The following EPB41L3 variants were observed in gnomAD, a reference collection of about 807,000 sequenced individuals.
EPB41L3 encodes the protein band 4.1-like protein 3.
In EPB41L3, 57 loss-of-function variants were observed where a neutral mutation model predicts 127.1. The ratio of observed to expected loss-of-function variants is 0.45; its 90% confidence interval spans 0.36 to 0.56. The LOEUF (loss-of-function observed/expected upper bound fraction) is 0.56. Ranked by LOEUF, EPB41L3 falls within the 20% of genes least tolerant of loss-of-function variation. The pLI is 0.00. For missense variants in EPB41L3, 1,273 were observed against 1,372.2 expected, an observed-to-expected ratio of 0.93 and a Z score of 1.14; for synonymous variants, 572 against 549.5, an observed-to-expected ratio of 1.04 and a Z score of -0.57.
intron 4 of EPB41L3, among the ~76,000 whole-genome samples, chr18:5,444,327 A>T (rs557051710): frequency 6.6e-6 from 1 of 152,304 alleles, no homozygotes; most frequent in East Asian, 1.9e-4. Context: ...ACAAATCAAT[A>T]GTTGCCTGTG....
chr18:5,512,847 G>A lies in EPB41L3; in HGVS notation c.-11-23653C>T, dbSNP rs954606356. On this transcript the variant is annotated intron_variant, in intron 1 of 22. Transcript: ENST00000341928. ...ATTTCAAGTGGCTGGCTCTGCAAAC[G>A]TAGACTTAGGATAAATCCTCTAGTT... Among the ~76,000 whole-genome samples the A allele has an allele frequency of 4.6e-5, 7 of 152,228 alleles. No homozygotes were observed. In the South Asian group the frequency reaches 6.2e-4, roughly 14 times the overall value.
chr18:5,393,962 T>G (rs901088544), intron 22 of EPB41L3: 1 of 160,474 alleles, frequency 6.2e-6, no homozygotes, highest in Admixed American at 6.3e-5. Context: ...AAGTCTGTGC[T>G]CACATAGATG....
At chr18:5,418,053 AAGG>A (rs1450426269) in intron 12 of EPB41L3, among the ~76,000 whole-genome samples, 1 of 152,176 alleles carries the variant, frequency 6.6e-6, no homozygotes, top group Non-Finnish European at 1.5e-5. Context: ...CTTTTTGAAG[AAGG>A]AGAAGGATAA....
intron 15 of EPB41L3, 188 bp from the exon 16 acceptor site, chr18:5,407,156 G>GA (rs552607231): frequency 6.4e-4 from 359 of 558,386 alleles, no homozygotes; most frequent in South Asian, 9.7e-4. Context: ...AAAGGAAACA[G>GA]AAAAAAAAAT....
chr18:5,520,979 A>C (rs1360791960), intron 1 of EPB41L3, among the ~76,000 whole-genome samples: 1 of 152,218 alleles, frequency 6.6e-6, no homozygotes, highest in Non-Finnish European at 1.5e-5. Flanking sequence ...CATAACCCAC[A>C]CACCACTCCT....
intron 3 of EPB41L3, chr18:5,466,197 A>G (rs535273926): frequency 2.0e-5 from 3 of 152,318 alleles, no homozygotes; most frequent in Admixed American, 2.0e-4. Context: ...GTAAAACCAC[A>G]AAAGGTATTT....
At chr18:5,584,918 T>C (rs1174273775) in intron 3 of EPB41L3, among the ~76,000 whole-genome samples, 2 of 152,198 alleles carry the variant, frequency 1.3e-5, no homozygotes, top group Non-Finnish European at 2.9e-5. Context: ...CATGAGACGA[T>C]GACTCAGAAA....
At chr18:5,534,684 T>A (rs763877075) in intron 1 of EPB41L3, among the ~76,000 whole-genome samples, 5 of 152,072 alleles carry the variant, frequency 3.3e-5, no homozygotes, top group African/African-American at 4.8e-5. Context: ...GATCTTACAA[T>A]TACTAAGACA....
At position 5,502,457 on chromosome 18, in the gene EPB41L3, A is replaced by G. The variant is rs1389725970; in HGVS notation, c.-11-13263T>C. On this transcript the variant is annotated intron_variant, in intron 1 of 22. Transcript: ENST00000341928. Reference sequence around the variant, plus strand: ...TTTTTTAACTACTGTAGTTTTCACAATGAAATTAGTTTTAAATCCTTTAGC... The same window carrying G: ...TTTTTTAACTACTGTAGTTTTCACAGTGAAATTAGTTTTAAATCCTTTAGC... Among the ~76,000 whole-genome samples the G allele has an allele frequency of 4.6e-5, 7 of 152,182 alleles. No individual in the cohort carries two copies. In the East Asian group the frequency reaches 9.6e-4, roughly 21 times the overall value.
At chr18:5,585,675 T>A (rs2094435735) in intron 3 of EPB41L3, among the ~76,000 whole-genome samples, 1 of 152,190 alleles carries the variant, frequency 6.6e-6, no homozygotes, top group Admixed American at 6.5e-5. Context: ...CCCAGATCTA[T>A]CTCCTACCTT....
At chr18:5,566,752 CTATTCT>C (rs2094207428) in intron 3 of EPB41L3, among the ~76,000 whole-genome samples, 1 of 137,886 alleles carries the variant, frequency 7.3e-6, no homozygotes, top group East Asian at 2.3e-4. Context: ...CTATTCTATT[CTATTCT>C]ATTCTATTCT....
intron 3 of EPB41L3, among the ~76,000 whole-genome samples, chr18:5,581,333 A>T (rs2094391359): frequency 6.6e-6 from 1 of 152,154 alleles, no homozygotes; most frequent in Non-Finnish European, 1.5e-5. Flanking sequence ...GTTTACCCTT[A>T]TAGTGTCTAA....
chr18:5,619,046 A>G (rs954762559), intron 1 of EPB41L3, among the ~76,000 whole-genome samples: 9 of 152,186 alleles, frequency 5.9e-5, no homozygotes, highest in African/African-American at 2.2e-4. Flanking sequence ...TATGTGTTCT[A>G]TTTTACAACA....
At position 5,394,873 on chromosome 18, in the gene EPB41L3, G is replaced by A. The variant is rs1217472769; in HGVS notation, c.3154-80C>T. ...GATCAGTGGTGAGGTGGAGACTTATGAGCTAGATCTATATCCACAATTTAC... is the reference window on the plus strand; with the variant it reads ...GATCAGTGGTGAGGTGGAGACTTATAAGCTAGATCTATATCCACAATTTAC... On this transcript the variant is annotated intron_variant, in intron 21 of 22. Coordinates refer to ENST00000341928, the MANE Select transcript of EPB41L3 (RefSeq NM_012307.5). The A allele has an allele frequency of 3.0e-6, 4 of 1,337,770 alleles. No individual in the cohort carries two copies. In the Admixed American group the frequency reaches 5.3e-5, roughly 18 times the overall value. The allele number at this position is 1,337,770 out of a possible 1,614,324, so 82.9% of individuals were successfully genotyped here.
chr18:5,464,997 C>G (rs775503681), intron 3 of EPB41L3, among the ~76,000 whole-genome samples: 5 of 152,168 alleles, frequency 3.3e-5, no homozygotes, highest in South Asian at 4.1e-4. Context: ...AAGAGACAAG[C>G]ACTGAAAGTC....
chr18:5,604,691 T>C (rs1288663917), intron 3 of EPB41L3, among the ~76,000 whole-genome samples: 1 of 152,132 alleles, frequency 6.6e-6, no homozygotes, highest in African/African-American at 2.4e-5. Flanking sequence ...TGGCCTCAAG[T>C]GATCTGCCCA....
At chr18:5,555,485 A>G (rs1397587197) in intron 3 of EPB41L3, among the ~76,000 whole-genome samples, 1 of 152,194 alleles carries the variant, frequency 6.6e-6, no homozygotes, top group Non-Finnish European at 1.5e-5. Flanking sequence ...AAAGGAGCTG[A>G]AAAATGTCCT....
intron 3 of EPB41L3, among the ~76,000 whole-genome samples, chr18:5,595,798 T>A (rs1402023575): frequency 1.3e-5 from 2 of 152,088 alleles, no homozygotes; most frequent in African/African-American, 4.8e-5. Context: ...CACCAAAAAA[T>A]TTCTAAATCG....
chr18:5,624,234 A>T (rs2094897386), intron 1 of EPB41L3, among the ~76,000 whole-genome samples: 6 of 152,108 alleles, frequency 3.9e-5, no homozygotes, highest in Admixed American at 3.9e-4. Flanking sequence ...GCCTCAAATG[A>T]TCATCCCACC....
Sources: gnomAD v4.1 joint callset for allele counts (sites outside exome capture counted in the v4.1 genomes callset) on GRCh38, gnomAD v4.1.1 for gene constraint, MANE v1.5 for transcripts, NCBI Gene and HGNC (gene_info 2026-07-23, HGNC 2026-07-21) for gene names.